CUEDC1: variants seen among roughly 807,000 people sequenced by gnomAD.
CUEDC1 encodes CUE domain containing 1.
A neutral mutation model predicts 43.7 loss-of-function variants in CUEDC1; 30 were observed. That is an observed-to-expected ratio of 0.69 (90% CI 0.51 to 0.93). CUEDC1 has a LOEUF of 0.93. CUEDC1 is among the 40% of genes least tolerant of loss of function. CUEDC1 has a pLI of 0.00. For missense variants in CUEDC1, 486 were observed against 549.0 expected (o/e 0.89, Z 1.15); for synonymous variants, 223 against 223.6 (o/e 1.00, Z 0.02).
intron 1 of CUEDC1, among the ~76,000 whole-genome samples, chr17:57,888,712 G>A (rs1285447808): frequency 1.3e-5 from 2 of 152,238 alleles, no homozygotes; most frequent in East Asian, 3.8e-4. Context: ...CTCTAACACA[G>A]ACCTCAGGGC....
intron 2 of CUEDC1, 136 bp downstream of exon 2, chr17:57,885,093 T>C (rs940516454): frequency 7.0e-7 from 1 of 1,425,520 alleles, no homozygotes. Context: ...GCTTGCTAAT[T>C]AGAACCCAGA....
At chr17:57,927,654 C>T (rs1019550176) in intron 1 of CUEDC1, among the ~76,000 whole-genome samples, 1 of 152,206 alleles carries the variant, frequency 6.6e-6, no homozygotes, top group East Asian at 1.9e-4. Flanking sequence ...AGAGGTATGT[C>T]AGGGGATCTG....
chr17:57,933,317 C>T (rs2074827543), intron 1 of CUEDC1, among the ~76,000 whole-genome samples: 1 of 117,912 alleles, frequency 8.5e-6, no homozygotes, highest in African/African-American at 2.5e-5. Context: ...GATGTTCTAA[C>T]GTGTTGGTCG....
At chr17:57,884,626 T>G (rs1038673564) in intron 2 of CUEDC1, among the ~76,000 whole-genome samples, 5 of 152,222 alleles carry the variant, frequency 3.3e-5, no homozygotes, top group Admixed American at 2.0e-4. Flanking sequence ...TCCCAGACTC[T>G]GCACAAGCTG....
intron 1 of CUEDC1, among the ~76,000 whole-genome samples, chr17:57,936,828 T>TC (rs1263524164): frequency 2.0e-5 from 3 of 147,664 alleles, no homozygotes; most frequent in African/African-American, 4.9e-5. Context: ...CATTCACACT[T>TC]TTTTTTTTTT....
At chr17:57,937,095 A>C (rs181062276) in intron 1 of CUEDC1, among the ~76,000 whole-genome samples, 44 of 152,202 alleles carry the variant, frequency 2.9e-4, no homozygotes, top group African/African-American at 1.0e-3. Context: ...CTGGGATTAC[A>C]GGTGTGAGCC....
At chr17:57,912,385 C>A (rs545133105) in intron 1 of CUEDC1, 5 of 152,350 alleles carry the variant, frequency 3.3e-5, no homozygotes, top group Admixed American at 3.3e-4. Flanking sequence ...CAAGAAGACA[C>A]TACCTCCTAA....
At chr17:57,903,028 CTG>C (rs1388057188) in intron 1 of CUEDC1, 2 of 152,260 alleles carry the variant, frequency 1.3e-5, no homozygotes, top group Admixed American at 1.3e-4. Flanking sequence ...AAGAGGGAAA[CTG>C]AGTCTTCCAG....
At chr17:57,871,448 T>C in intron 5 of CUEDC1, 79 bp from the exon 6 acceptor site, 1 of 1,194,340 alleles carries the variant, frequency 8.4e-7, no homozygotes, top group Non-Finnish European at 1.2e-6. Context: ...GACACGGTAG[T>C]TTGCTAGAGG....
At chr17:57,933,486 C>T (rs538989820) in intron 1 of CUEDC1, among the ~76,000 whole-genome samples, 1 of 152,262 alleles carries the variant, frequency 6.6e-6, no homozygotes, top group Admixed American at 6.5e-5. Context: ...GAAGAAGCCA[C>T]TTTCATCTCC....
intron 1 of CUEDC1, among the ~76,000 whole-genome samples, chr17:57,891,553 A>C (rs1423698411): frequency 6.6e-6 from 1 of 152,106 alleles, no homozygotes; most frequent in Non-Finnish European, 1.5e-5. Flanking sequence ...ATGTCCCCAG[A>C]ATACCCAGAG....
chr17:57,910,878 G>C (rs1250518332), intron 1 of CUEDC1, among the ~76,000 whole-genome samples: 4 of 152,194 alleles, frequency 2.6e-5, no homozygotes, highest in Non-Finnish European at 1.5e-5. Flanking sequence ...GGCCTTCACA[G>C]TACCCCCTGG....
intron 1 of CUEDC1, among the ~76,000 whole-genome samples, chr17:57,895,202 AG>A (rs1391279439): frequency 6.6e-6 from 1 of 152,206 alleles, no homozygotes; most frequent in African/African-American, 2.4e-5. Context: ...AGAAGGGTTG[AG>A]TAACTTGTTC....
At chr17:57,897,397 G>C (rs1386889743) in intron 1 of CUEDC1, among the ~76,000 whole-genome samples, 1 of 152,234 alleles carries the variant, frequency 6.6e-6, no homozygotes, top group Admixed American at 6.5e-5. Flanking sequence ...CTAGCCGGGC[G>C]CAGTGGCTCA....
intron 1 of CUEDC1, among the ~76,000 whole-genome samples, chr17:57,945,753 C>G (rs1309160071): frequency 1.3e-5 from 2 of 152,124 alleles, no homozygotes; most frequent in Admixed American, 1.3e-4. Flanking sequence ...GGCGTGGTGG[C>G]TCATACCTAT....
chr17:57,864,014 A>AG (rs796114853), intron 10 of CUEDC1, among the ~76,000 whole-genome samples: 50 of 151,216 alleles, frequency 3.3e-4, no homozygotes, highest in Middle Eastern at 6.9e-3. Context: ...AAAAAAAAAA[A>AG]AAAGAAAGAA....
chr17:57,936,461 A>G (rs531801210), intron 1 of CUEDC1, among the ~76,000 whole-genome samples: 1 of 152,218 alleles, frequency 6.6e-6, no homozygotes, highest in African/African-American at 2.4e-5. Context: ...GGTGCCTCTC[A>G]AGCCCCCAGC....
chr17:57,881,973 C>T (rs2074211515), intron 2 of CUEDC1, among the ~76,000 whole-genome samples: 1 of 152,212 alleles, frequency 6.6e-6, no homozygotes, highest in Admixed American at 6.5e-5. Context: ...CCTCTCCCTC[C>T]CACTGCCACC....
chr17:57,891,152 C>T (rs1468430429), intron 1 of CUEDC1, among the ~76,000 whole-genome samples: 1 of 152,186 alleles, frequency 6.6e-6, no homozygotes, highest in Non-Finnish European at 1.5e-5. Context: ...GGGCACTCCC[C>T]TCAACTCCAC....
Sources: gnomAD v4.1 joint callset for allele counts (sites outside exome capture counted in the v4.1 genomes callset) on GRCh38, gnomAD v4.1.1 for gene constraint, MANE v1.5 for transcripts, NCBI Gene and HGNC (gene_info 2026-07-23, HGNC 2026-07-21) for gene names.